The following GDPD5 variants were observed in gnomAD, a reference collection of about 807,000 sequenced individuals.
GDPD5 encodes glycerophosphodiester phosphodiesterase 2.
GDPD5 carries 48 observed loss-of-function variants against 75.1 expected under a neutral mutation model. That is an observed-to-expected ratio of 0.64 (90% CI 0.51 to 0.81). The LOEUF (loss-of-function observed/expected upper bound fraction) is 0.81. GDPD5 is among the 40% of genes least tolerant of loss of function. GDPD5 has a pLI of 0.00. For synonymous variants in GDPD5, 336 were observed against 339.0 expected, an observed-to-expected ratio of 0.99 and a Z score of 0.10; for missense variants, 706 against 822.6, an observed-to-expected ratio of 0.86 and a Z score of 1.73.
intron 3 of GDPD5, among the ~76,000 whole-genome samples, chr11:75,471,813 G>A (rs1949672528): frequency 6.6e-6 from 1 of 152,174 alleles, no homozygotes; most frequent in Admixed American, 6.5e-5. Flanking sequence ...CCTAAGGCAA[G>A]AGACAGCATG....
chr11:75,440,091 T>G (rs1592054983), intron 14 of GDPD5, 130 bp from the exon 15 acceptor site: 3 of 655,258 alleles, frequency 4.6e-6, no homozygotes, highest in Non-Finnish European at 8.0e-6. Context: ...CCTGAGAGGG[T>G]CTGGGGGCTG....
At chr11:75,465,504 T>C (rs557853299) in intron 3 of GDPD5, among the ~76,000 whole-genome samples, 7 of 152,314 alleles carry the variant, frequency 4.6e-5, no homozygotes, top group African/African-American at 1.7e-4. Flanking sequence ...TATACATAAA[T>C]GCCTTGAGAT....
rs368042636 is a variant in GDPD5 at position 75,477,579 on chromosome 11, G to A, written c.117+40C>T. The stretch of plus-strand genomic sequence containing the variant: ...CCCCCAGCCCCTCAGGCTTGCTGGG[G>A]CTCACTGGGTCCCTCTGACCCTGTT... On this transcript the variant is annotated intron_variant, in intron 3 of 16. Transcript: ENST00000336898. 4 of 1,353,760 alleles carry A rather than the reference G, an allele frequency of 3.0e-6. No individual in the cohort carries two copies. In the African/African-American group the frequency reaches 5.8e-5, roughly 20 times the overall value. 83.9% of individuals were successfully genotyped at this position (1,353,760 alleles called of 1,614,324 possible).
chr11:75,471,370 C>T (rs1949661280), intron 3 of GDPD5, among the ~76,000 whole-genome samples: 1 of 152,204 alleles, frequency 6.6e-6, no homozygotes, highest in Non-Finnish European at 1.5e-5. Context: ...CGGCTCCTGA[C>T]AGCCTAAGAG....
intron 3 of GDPD5, among the ~76,000 whole-genome samples, chr11:75,471,903 A>G (rs1949675028): frequency 6.6e-6 from 1 of 152,078 alleles, no homozygotes; most frequent in East Asian, 1.9e-4. Flanking sequence ...TGGATGTAAT[A>G]ATATCATCTC....
chr11:75,451,860 G>A (rs1395875806), intron 6 of GDPD5: 1 of 152,260 alleles, frequency 6.6e-6, no homozygotes, highest in Non-Finnish European at 1.5e-5. Context: ...TGCATGTTCA[G>A]TGTCTGTGGG....
In GDPD5 at chr11:75,488,193, C is replaced by T. The variant is rs150509587; in HGVS notation, c.-61+2044G>A. 4.2e-3 allele frequency among the ~76,000 whole-genome samples: 633 copies of T among 152,204 alleles called. 1 individual carries two copies. Among genetic ancestry groups the T allele is most frequent in the African/African-American group, 0.014 (577 of 41,524 alleles). On this transcript the variant is annotated intron_variant, in intron 2 of 16. Coordinates refer to ENST00000336898, the MANE Select transcript of GDPD5 (RefSeq NM_030792.8). ...CCAAGCCACCAGGACTGTATTAAGGCCATCCTAAGAAGAGATCCTGCCCCC... is the reference window on the plus strand; with the variant it reads ...CCAAGCCACCAGGACTGTATTAAGGTCATCCTAAGAAGAGATCCTGCCCCC...
chr11:75,509,134 G>T (rs1433747175), intron 1 of GDPD5, among the ~76,000 whole-genome samples: 3 of 152,170 alleles, frequency 2.0e-5, no homozygotes, highest in Admixed American at 1.3e-4. Context: ...TCCTGTATGT[G>T]GGCAGGTCAT....
chr11:75,474,532 T>A (rs1949739407), intron 3 of GDPD5, among the ~76,000 whole-genome samples: 1 of 152,130 alleles, frequency 6.6e-6, no homozygotes, highest in South Asian at 2.1e-4. Context: ...TCCTCAGAAC[T>A]GGGGGCAAGA....
rs527424229 is a variant in GDPD5, at chr11:75,435,354, C to T, written c.*153G>A. 3 of 657,922 alleles carry T rather than the reference C, an allele frequency of 4.6e-6. No homozygotes were observed. The highest frequency in any genetic ancestry group is 7.4e-6 in the Non-Finnish European group (3 of 405,960). The allele number at this position is 657,922 out of a possible 1,614,324, so 40.8% of individuals were successfully genotyped here. On this transcript the variant is annotated 3_prime_UTR_variant, in exon 17 of 17. Transcript: ENST00000336898. ...GGGCCTCAGGAGACAGGGAGTCCCC[C>T]TCAAGAGAGGCTGCGGCTGACAAGG...
At chr11:75,495,436 C>A (rs944030919) in intron 1 of GDPD5, among the ~76,000 whole-genome samples, 4 of 151,856 alleles carry the variant, frequency 2.6e-5, no homozygotes, top group African/African-American at 9.7e-5. Flanking sequence ...CACTGCACTC[C>A]AGCCTGGGTG....
Position 75,477,772 on chromosome 11 carries a change from GC to G in GDPD5, c.-38del, listed in dbSNP as rs746242273. ...CGGCCCTGGCGCCTGGCCCTCAGGC[GC>G]CCATGGAGGCCCCCAGCTTGTCCTG... is the stretch of plus-strand genomic sequence containing the variant. On this transcript the variant is annotated 5_prime_UTR_variant, in exon 3 of 17. It removes the in-frame stop codon of an upstream open reading frame in the 5' UTR. Transcript: ENST00000336898. 7 of 1,407,594 alleles carry G rather than the reference GC, an allele frequency of 5.0e-6. No individual in the cohort carries two copies. Among genetic ancestry groups the G allele is most frequent in the Non-Finnish European group, 5.8e-6 (6 of 1,030,830 alleles). 87.2% of individuals were successfully genotyped at this position (1,407,594 alleles called of 1,614,324 possible). A position where few individuals can be genotyped will look rare whatever the true frequency, so the allele number is the denominator to read the frequency against.
At chr11:75,515,341 T>C (rs537030035) in intron 1 of GDPD5, among the ~76,000 whole-genome samples, 1 of 152,334 alleles carries the variant, frequency 6.6e-6, no homozygotes, top group South Asian at 2.1e-4. Flanking sequence ...TGCCTCCTCT[T>C]GGGCAAGGCT....
chr11:75,439,187 C>A (rs528456078), intron 15 of GDPD5, among the ~76,000 whole-genome samples: 1 of 152,092 alleles, frequency 6.6e-6, no homozygotes, highest in African/African-American at 2.4e-5. Context: ...AAGAGGATTG[C>A]GGGGGTAAGG....
intron 14 of GDPD5, 77 bp downstream of exon 14, chr11:75,441,084 CAG>C: frequency 6.9e-7 from 1 of 1,439,864 alleles, no homozygotes; most frequent in Non-Finnish European, 9.7e-7. Flanking sequence ...GCTCCAAGCA[CAG>C]AGCTTGCCGA....
chr11:75,464,638 G>A (rs1300719474), intron 3 of GDPD5, among the ~76,000 whole-genome samples: 1 of 152,176 alleles, frequency 6.6e-6, no homozygotes, highest in African/African-American at 2.4e-5. Flanking sequence ...TACATAAACA[G>A]AGATGCAAAG....
intron 10 of GDPD5, among the ~76,000 whole-genome samples, chr11:75,443,904 C>A (rs1948906873): frequency 6.6e-6 from 1 of 152,174 alleles, no homozygotes; most frequent in African/African-American, 2.4e-5. Context: ...GAACAATGTC[C>A]TCATTTATGT....
At chr11:75,439,170 A>G (rs1948715517) in intron 15 of GDPD5, among the ~76,000 whole-genome samples, 1 of 152,126 alleles carries the variant, frequency 6.6e-6, no homozygotes, top group South Asian at 2.1e-4. Flanking sequence ...GGACGGGAGG[A>G]GCAGAAAAGA....
intron 3 of GDPD5, among the ~76,000 whole-genome samples, chr11:75,471,622 C>A (rs1031611411): frequency 4.6e-5 from 7 of 152,192 alleles, no homozygotes; most frequent in African/African-American, 1.7e-4. Context: ...AGGACCCTGA[C>A]CACGTCACAG....
Sources: allele counts gnomAD v4.1 joint callset (sites outside exome capture counted in the v4.1 genomes callset), GRCh38; gene constraint gnomAD v4.1.1; transcripts MANE v1.5; gene names NCBI Gene and HGNC (gene_info 2026-07-23, HGNC 2026-07-21).